NRBF2: variants seen among roughly 807,000 people sequenced by gnomAD.
NRBF2 encodes nuclear receptor-binding factor 2.
A neutral mutation model predicts 28.5 loss-of-function variants in NRBF2; 12 were observed. That is an observed-to-expected ratio of 0.42 (90% CI 0.27 to 0.68). The LOEUF (loss-of-function observed/expected upper bound fraction) is 0.68, where lower values mean the gene tolerates loss of function less well. Ranked by LOEUF, NRBF2 falls within the 30% of genes least tolerant of loss-of-function variation. NRBF2 has a pLI of 0.24. For synonymous variants in NRBF2, 102 were observed against 116.5 expected (o/e 0.88, Z 0.80); for missense variants, 274 against 333.5 (o/e 0.82, Z 1.39).
At chr10:63,152,120 T>G in intron 2 of NRBF2, 30 bp from the exon 3 acceptor site, 3 of 1,577,900 alleles carry the variant, frequency 1.9e-6, no homozygotes, top group Non-Finnish European at 2.6e-6. Context: ...TGAAGACACA[T>G]ATTAACATGC....
intron 1 of NRBF2, among the ~76,000 whole-genome samples, chr10:63,145,111 T>TTC (rs2132687365): frequency 6.8e-6 from 1 of 147,342 alleles, no homozygotes; most frequent in East Asian, 2.0e-4. Flanking sequence ...CTTTTTTTTT[T>TTC]TTTTTTTTTT....
chr10:63,146,094 T>A, intron 1 of NRBF2, 115 bp from the exon 2 acceptor site: 1 of 774,822 alleles, frequency 1.3e-6, no homozygotes, highest in East Asian at 2.6e-5. Context: ...GTAATAGTGA[T>A]TTGATATGTG....
At chr10:63,143,565 A>AT (rs1841508939) in intron 1 of NRBF2, among the ~76,000 whole-genome samples, 2 of 151,392 alleles carry the variant, frequency 1.3e-5, no homozygotes, top group Admixed American at 6.6e-5. Context: ...TGAAGCGGCG[A>AT]TTCTCTTGCT....
At chr10:63,152,337 C>T (rs7910827) in intron 3 of NRBF2, 147 bp downstream of exon 3, 22,090 of 584,560 alleles carry the variant, frequency 0.038, 598 homozygotes, top group South Asian at 0.048. Context: ...CACTTCACAA[C>T]GGAAATTAAA....
In NRBF2 at chr10:63,154,342, G is replaced by GT; in HGVS notation, c.*125dup. 1.5e-6 allele frequency: 1 copy of GT among 673,400 alleles called. No individual in the cohort carries two copies. The highest frequency in any genetic ancestry group is 2.5e-6 in the Non-Finnish European group (1 of 398,888). The allele number at this position is 673,400 out of a possible 1,614,324, so 41.7% of individuals were successfully genotyped here. A position where few individuals can be genotyped will look rare whatever the true frequency, so the allele number is the denominator to read the frequency against. ...CCGGAAATGCTTCATCTGGTGGACTGTGGGAGCAGAGGCATTGCCAGGACT... is the reference window on the plus strand; with the variant it reads ...CCGGAAATGCTTCATCTGGTGGACTGTTGGGAGCAGAGGCATTGCCAGGACT... On this transcript the variant is annotated 3_prime_UTR_variant, in exon 4 of 4. Transcript: ENST00000277746.
In NRBF2 at chr10:63,137,906, G is replaced by A. The variant is rs188523090; in HGVS notation, c.30+4406G>A. Among the ~76,000 whole-genome samples the A allele has an allele frequency of 1.1e-3, 171 of 152,224 alleles. 1 individual carries two copies. Among genetic ancestry groups the A allele is most frequent in the African/African-American group, 3.8e-3 (157 of 41,534 alleles). ...AGATATCCAGCAATTATTGCTAAGT[G>A]GTAGGATTGGCATCGGGCACGTTAT... On this transcript the variant is annotated intron_variant, in intron 1 of 3. Transcript: ENST00000277746.
chr10:63,136,541 C>A (rs936663466), intron 1 of NRBF2, among the ~76,000 whole-genome samples: 1 of 152,170 alleles, frequency 6.6e-6, no homozygotes, highest in African/African-American at 2.4e-5. Context: ...AATCATGTGT[C>A]CTCAGAGCAT....
intron 1 of NRBF2, among the ~76,000 whole-genome samples, chr10:63,137,706 G>C (rs1249833679): frequency 6.6e-6 from 1 of 152,126 alleles, no homozygotes; most frequent in African/African-American, 2.4e-5. Flanking sequence ...TGCATACCTG[G>C]AGTCCTTATA....
chr10:63,148,796 A>G (rs1428721799), intron 2 of NRBF2, among the ~76,000 whole-genome samples: 2 of 152,198 alleles, frequency 1.3e-5, no homozygotes, highest in Non-Finnish European at 2.9e-5. Context: ...GTGAGCATTC[A>G]TTTGCCAGAT....
chr10:63,153,894 G>T lies in NRBF2; in HGVS notation c.540G>T (p.Arg180Ser). 1 of 1,612,010 alleles carries T rather than the reference G, an allele frequency of 6.2e-7. No individual in the cohort carries two copies. The highest frequency in any genetic ancestry group is 8.5e-7 in the Non-Finnish European group (1 of 1,179,788). Reference sequence around the variant, plus strand: ...CAACCAAAATTGCAGATTTGAAGAGGCATGTGGAATTCCTTGTGGCTGAGA... The same window carrying T: ...CAACCAAAATTGCAGATTTGAAGAGTCATGTGGAATTCCTTGTGGCTGAGA... ...EQATKIADLK[R>S]HVEFLVAENE... Residue 180 changes from arginine (R) to serine (S), a missense_variant, in exon 4 of 4, where the codon AGG (arginine) becomes AGT (serine). Physicochemically the swap from Arg to Ser is moderately radical, Grantham distance 110. Transcript: ENST00000277746.
intron 3 of NRBF2, 103 bp from the exon 4 acceptor site, chr10:63,153,408 G>T (rs147707641): frequency 5.9e-6 from 5 of 846,298 alleles, no homozygotes; most frequent in African/African-American, 1.7e-5. Flanking sequence ...ATTGTAAATT[G>T]TAAGTGTTGG....
intron 2 of NRBF2, among the ~76,000 whole-genome samples, chr10:63,148,445 A>C (rs1238832536): frequency 6.6e-6 from 1 of 152,200 alleles, no homozygotes; most frequent in Non-Finnish European, 1.5e-5. Flanking sequence ...GGTATGGGTT[A>C]GGTGTATTCT....
At chr10:63,144,712 G>A (rs1001174759) in intron 1 of NRBF2, among the ~76,000 whole-genome samples, 5 of 151,980 alleles carry the variant, frequency 3.3e-5, no homozygotes, top group Admixed American at 1.3e-4. Flanking sequence ...CACCGCGCCC[G>A]GCCAGAATTA....
Position 63,153,580 on chromosome 10 carries a change from A to G in NRBF2, c.226A>G (p.Lys76Glu). 6.2e-7 allele frequency: 1 copy of G among 1,611,930 alleles called. No homozygotes were observed. Among genetic ancestry groups the G allele is most frequent in the African/African-American group, 1.3e-5 (1 of 74,970 alleles). ...KQLLLIQERW[K>E]RAQREERLKA... ...GCTCCTCCTCATCCAAGAGAGATGGAAAAGGGCCCAGCGTGAAGAAAGATT... is the reference window on the plus strand; with the variant it reads ...GCTCCTCCTCATCCAAGAGAGATGGGAAAGGGCCCAGCGTGAAGAAAGATT... Residue 76 changes from lysine to glutamate, a missense_variant, in exon 4 of 4, where the codon AAA (lysine) becomes GAA (glutamate). Transcript: ENST00000277746.
At chr10:63,146,088 T>C in intron 1 of NRBF2, 121 bp from the exon 2 acceptor site, 1 of 742,920 alleles carries the variant, frequency 1.3e-6, no homozygotes, top group South Asian at 1.6e-5. Context: ...AGAGCTGTAA[T>C]AGTGATTTGA....
rs762790482 is a variant in NRBF2, at chr10:63,133,411, C to T, written c.-60C>T. ...GCTGCGTCGAGCTCCCTTGCAGTCC[C>T]CTCCATGTTCCCCGGCGCCACTACT... On this transcript the variant is annotated 5_prime_UTR_variant, in exon 1 of 4. Coordinates refer to ENST00000277746, the MANE Select transcript of NRBF2 (RefSeq NM_030759.5). 3 of 1,605,326 alleles carry T rather than the reference C, an allele frequency of 1.9e-6. No individual in the cohort carries two copies. The highest frequency in any genetic ancestry group is 1.1e-5 in the South Asian group (1 of 90,102).
chr10:63,135,793 C>T (rs1198662947), intron 1 of NRBF2, among the ~76,000 whole-genome samples: 1 of 151,778 alleles, frequency 6.6e-6, no homozygotes, highest in Non-Finnish European at 1.5e-5. Flanking sequence ...ATTTCAGGCA[C>T]GCGCCGCCAC....
At chr10:63,138,743 CAAAAA>C in intron 1 of NRBF2, among the ~76,000 whole-genome samples, 1 of 117,684 alleles carries the variant, frequency 8.5e-6, no homozygotes, top group East Asian at 2.6e-4. Context: ...GACTCTGTCT[CAAAAA>C]AAAAAAAAAA....
rs1554821458 is a variant in NRBF2 at position 63,142,780 on chromosome 10, C to CTTTCTTTTTT, written c.31-3426_31-3425insCTTTTTTTTT. Among the ~76,000 whole-genome samples the CTTTCTTTTTT allele has an allele frequency of 1.7e-4, 13 of 74,930 alleles. No homozygotes were observed. In the South Asian group the frequency reaches 1.8e-3, roughly 11 times the overall value. 49.2% of individuals were successfully genotyped at this position (74,930 alleles called of 152,430 possible). On this transcript the variant is annotated intron_variant, in intron 1 of 3. Transcript: ENST00000277746. ...AGTCATTTCTTTTCTTTCTTTCTTT[C>CTTTCTTTTTT]TTTTTTTTTTTTTTTTTTTTGAGGC... is the stretch of plus-strand genomic sequence containing the variant.
Sources: gnomAD v4.1 joint callset for allele counts (sites outside exome capture counted in the v4.1 genomes callset) on GRCh38, gnomAD v4.1.1 for gene constraint, MANE v1.5 for transcripts, NCBI Gene and HGNC (gene_info 2026-07-23, HGNC 2026-07-21) for gene names.